BPHL: variants seen among roughly 807,000 people sequenced by gnomAD.
BPHL encodes serine hydrolase BPHL.
Under a neutral mutation model 31.2 loss-of-function variants are expected in BPHL, and 27 were observed. The observed-to-expected ratio is 0.87, with a 90% CI of 0.64 to 1.19. The LOEUF is 1.19. Ranked by LOEUF, BPHL falls within the 50% of genes most tolerant of loss-of-function variation. BPHL has a pLI of 0.00. For synonymous variants in BPHL, 150 were observed against 146.8 expected (o/e 1.02, Z -0.16); for missense variants, 356 against 375.7 (o/e 0.95, Z 0.43).
chr6:3,151,037 C>T (rs1049177682), intron 6 of BPHL, among the ~76,000 whole-genome samples: 2 of 152,196 alleles, frequency 1.3e-5, no homozygotes, highest in African/African-American at 4.8e-5. Context: ...GCGAGGTTCT[C>T]CTTCCTTCCT....
intron 3 of BPHL, among the ~76,000 whole-genome samples, chr6:3,128,300 T>G (rs1046949953): frequency 1.3e-5 from 2 of 152,190 alleles, no homozygotes; most frequent in African/African-American, 4.8e-5. Flanking sequence ...GAGAATTTCA[T>G]ACACATTTAG....
In BPHL at chr6:3,122,228, C is replaced by T. The variant is rs188165843; in HGVS notation, c.108-1429C>T. Among the ~76,000 whole-genome samples, 446 of 152,156 alleles carry T rather than the reference C, an allele frequency of 2.9e-3. 1 individual carries two copies. The highest frequency in any genetic ancestry group is 0.01 in the African/African-American group (416 of 41,502). Reference sequence around the variant, plus strand: ...CCGGGAGGTGGAACTTGCAGTGAGCCGAGATGGCGCCACTGCACTCCAGCC... The same window carrying T: ...CCGGGAGGTGGAACTTGCAGTGAGCTGAGATGGCGCCACTGCACTCCAGCC... On this transcript the variant is annotated intron_variant, in intron 1 of 6. Transcript: ENST00000380379.
At position 3,153,158 on chromosome 6, in the gene BPHL, TC is replaced by T. The variant is rs1195134528; in HGVS notation, c.*585del. 3.3e-5 allele frequency: 5 copies of T among 152,694 alleles called. No homozygotes were observed. In the East Asian group the frequency reaches 9.6e-4, roughly 29 times the overall value. The allele number at this position is 152,694 out of a possible 1,614,324, so 9.5% of individuals were successfully genotyped here. A position where few individuals can be genotyped will look rare whatever the true frequency, so the allele number is the denominator to read the frequency against. ...TATACCATTGTCTTAACAGGTGAAT[TC>T]CTGCCATAATTTATTTTCAAATAAA... On this transcript the variant is annotated 3_prime_UTR_variant, in exon 7 of 7. Coordinates refer to ENST00000380379, the MANE Select transcript of BPHL (RefSeq NM_004332.4).
At chr6:3,144,385 T>G (rs9405614) in intron 6 of BPHL, among the ~76,000 whole-genome samples, 2,102 of 34,616 alleles carry the variant, frequency 0.061, 59 homozygotes, top group African/African-American at 0.2. Flanking sequence ...TTTTTTTTTT[T>G]TTTTTGTTTT....
At chr6:3,127,538 T>G in intron 3 of BPHL, 130 bp downstream of exon 3, 1 of 720,580 alleles carries the variant, frequency 1.4e-6, no homozygotes, top group Middle Eastern at 4.4e-4. Context: ...ACCCCAAGAG[T>G]TCAAATAGGT....
intron 4 of BPHL, among the ~76,000 whole-genome samples, chr6:3,134,097 C>T (rs1443469635): frequency 1.3e-5 from 2 of 152,094 alleles, no homozygotes; most frequent in African/African-American, 2.4e-5. Context: ...GTTTATCCAC[C>T]ATTTGAGTTT....
At chr6:3,147,091 G>A (rs1422500392) in intron 6 of BPHL, among the ~76,000 whole-genome samples, 2 of 151,970 alleles carry the variant, frequency 1.3e-5, no homozygotes, top group East Asian at 1.9e-4. Context: ...CTGAAACCTC[G>A]TCTCTACAAA....
chr6:3,137,362 G>A lies in BPHL; in HGVS notation c.533G>A (p.Gly178Asp). 6.2e-7 allele frequency: 1 copy of A among 1,609,728 alleles called. No homozygotes were observed. The highest frequency in any genetic ancestry group is 1.1e-5 in the South Asian group (1 of 90,546). The change falls in exon 5 of 7, where the codon GGC becomes GAC. Residue 178 changes from glycine to aspartate, a missense_variant and splice_region_variant. By Grantham distance (94) the Gly-to-Asp change is moderately conservative (BLOSUM62 -1). Transcript: ENST00000380379. Reference sequence around the variant, plus strand: ...CTTCGCCTACACTTCTGTTTTTCAGGCATCCGAGATGTTTCCAAATGGAGT... The same window carrying A: ...CTTCGCCTACACTTCTGTTTTTCAGACATCCGAGATGTTTCCAAATGGAGT... Reference protein sequence around the residue: ...VTDEDSMIYEGIRDVSKWSER... With the variant: ...VTDEDSMIYEDIRDVSKWSER...
At chr6:3,132,198 C>A (rs1394961660) in intron 4 of BPHL, among the ~76,000 whole-genome samples, 1 of 152,186 alleles carries the variant, frequency 6.6e-6, no homozygotes, top group South Asian at 2.1e-4. Flanking sequence ...AGAGACCAAG[C>A]CCCCACCACG....
Position 3,153,128 on chromosome 6 carries a change from C to CA in BPHL, c.*555dup, listed in dbSNP as rs1451318050. The CA allele has an allele frequency of 6.6e-6, 1 of 152,218 alleles. No individual in the cohort carries two copies. Among genetic ancestry groups the CA allele is most frequent in the Non-Finnish European group, 1.5e-5 (1 of 68,108 alleles). The allele number at this position is 152,218 out of a possible 1,614,324, so 9.4% of individuals were successfully genotyped here. A position where few individuals can be genotyped will look rare whatever the true frequency, so the allele number is the denominator to read the frequency against. The stretch of plus-strand genomic sequence containing the variant: ...CCGATTTTCTAAGATGAAGTTGTGA[C>CA]AAGTTATACCATTGTCTTAACAGGT... On this transcript the variant is annotated 3_prime_UTR_variant, in exon 7 of 7. Transcript: ENST00000380379.
intron 6 of BPHL, among the ~76,000 whole-genome samples, chr6:3,142,630 A>C (rs921667388): frequency 6.6e-6 from 1 of 152,212 alleles, no homozygotes; most frequent in Non-Finnish European, 1.5e-5. Context: ...TCAAGGTTGT[A>C]TAGCTAGTAA....
rs543659190 is a variant in BPHL at position 3,149,779 on chromosome 6, A to G, written c.789-2709A>G. Among the ~76,000 whole-genome samples, 121 of 152,132 alleles carry G rather than the reference A, an allele frequency of 8.0e-4. No homozygotes were observed. Among genetic ancestry groups the G allele is most frequent in the Non-Finnish European group, 1.4e-3 (92 of 68,020 alleles). ...CGAGTAGCTGGGATTATAGGCGCGC[A>G]TCACCACGCCGGCTAATTTTTGTGT... On this transcript the variant is annotated intron_variant, in intron 6 of 6. Transcript: ENST00000380379. The surrounding 1 kb of genome is among the most constrained non-coding windows in gnomAD (Gnocchi z 4.6).
chr6:3,118,951 G>C, intron 1 of BPHL, 104 bp downstream of exon 1: 1 of 979,710 alleles, frequency 1.0e-6, no homozygotes. Flanking sequence ...CGCGGGCACG[G>C]GGCGTGGGCG....
At chr6:3,150,723 G>C (rs552943053) in intron 6 of BPHL, among the ~76,000 whole-genome samples, 21 of 152,304 alleles carry the variant, frequency 1.4e-4, no homozygotes, top group Admixed American at 4.6e-4. Flanking sequence ...CCCATCTATT[G>C]TGGTCCTGTT....
chr6:3,141,037 C>T (rs899649776), intron 6 of BPHL, among the ~76,000 whole-genome samples: 5 of 152,186 alleles, frequency 3.3e-5, no homozygotes, highest in African/African-American at 4.8e-5. Context: ...GCTCCCTTCT[C>T]GCTCTGTTCT....
chr6:3,122,519 T>C (rs1315356327), intron 1 of BPHL, among the ~76,000 whole-genome samples: 1 of 152,150 alleles, frequency 6.6e-6, no homozygotes, highest in Non-Finnish European at 1.5e-5. Context: ...AGTCTGGCTG[T>C]CCTCGAAGAG....
rs775917745 is a variant in BPHL at position 3,118,758 on chromosome 6, C to A, written c.18C>A (p.Gly6=). The A allele has an allele frequency of 2.9e-4, 366 of 1,258,812 alleles. No homozygotes were observed. The highest frequency in any genetic ancestry group is 3.5e-4 in the Non-Finnish European group (350 of 998,100). 78.0% of individuals were successfully genotyped at this position (1,258,812 alleles called of 1,614,324 possible). A position where few individuals can be genotyped will look rare whatever the true frequency, so the allele number is the denominator to read the frequency against. The part of the protein sequence containing the change: MVAVL[G]GRGVLRLRLL... ...CTGTGACCATGGTGGCTGTGCTGGG[C>A]GGCCGGGGCGTGTTGCGCCTGCGGC... The change falls in exon 1 of 7, where the codon GGC becomes GGA. Residue 6 remains glycine (G), a synonymous_variant. Coordinates refer to ENST00000380379, the MANE Select transcript of BPHL (RefSeq NM_004332.4).
rs1761796688 is a variant in BPHL, at chr6:3,129,144, G to C, written c.478G>C (p.Val160Leu). Residue 160 changes from valine to leucine, a missense_variant, in exon 4 of 7, where the codon GTG becomes CTG. Transcript: ENST00000380379. ...AKYPSYIHKM[V>L]IWGANAYVTD... ...ATATCCATCTTACATCCACAAGATG[G>C]TGATCTGGGGCGCCAACGCCTACGT... 1 of 1,611,528 alleles carries C rather than the reference G, an allele frequency of 6.2e-7. No homozygotes were observed. The highest frequency in any genetic ancestry group is 1.3e-5 in the African/African-American group (1 of 74,832).
At chr6:3,129,927 CT>C (rs1761827137) in intron 4 of BPHL, among the ~76,000 whole-genome samples, 1 of 151,892 alleles carries the variant, frequency 6.6e-6, no homozygotes, top group Non-Finnish European at 1.5e-5. Context: ...CTGCCTCACC[CT>C]CCCAAGTAGC....
Sources: allele counts gnomAD v4.1 joint callset (sites outside exome capture counted in the v4.1 genomes callset), GRCh38; gene constraint gnomAD v4.1.1; non-coding constraint Gnocchi (gnomAD v3.1); transcripts MANE v1.5; gene names NCBI Gene and HGNC (gene_info 2026-07-23, HGNC 2026-07-21).